Variants in LMO7 observed in about 807,000 individuals in gnomAD.
The protein encoded by LMO7 is LIM domain only protein 7.
In LMO7, 120 loss-of-function variants were observed where a neutral mutation model predicts 206.5. The observed-to-expected ratio is 0.58, with a 90% CI of 0.50 to 0.68. The LOEUF (loss-of-function observed/expected upper bound fraction) is 0.68. LMO7 is among the 30% of genes least tolerant of loss of function. The pLI is 0.00. For missense variants in LMO7, 1,959 were observed against 1,957.9 expected (o/e 1.00, Z -0.01); for synonymous variants, 706 against 681.5 (o/e 1.04, Z -0.56).
intron 2 of LMO7, among the ~76,000 whole-genome samples, chr13:75,715,439 G>A (rs2043457324): frequency 6.6e-6 from 1 of 152,110 alleles, no homozygotes; most frequent in Non-Finnish European, 1.5e-5. Context: ...TTCTAATATT[G>A]TTTTCTAATT....
chr13:75,694,126 A>C (rs548238407), intron 1 of LMO7, among the ~76,000 whole-genome samples: 1 of 152,364 alleles, frequency 6.6e-6, no homozygotes, highest in African/African-American at 2.4e-5. Flanking sequence ...ATAAAGTTTC[A>C]ATCTAGGACG....
intron 2 of LMO7, chr13:75,627,876 A>G (rs563614292): frequency 6.6e-6 from 1 of 152,156 alleles, no homozygotes; most frequent in South Asian, 2.1e-4. Context: ...AATTCTAGCT[A>G]GAATGGGGGA....
At chr13:75,838,249 C>T in intron 20 of LMO7, 53 bp downstream of exon 20, 1 of 1,529,090 alleles carries the variant, frequency 6.5e-7, no homozygotes, top group Admixed American at 1.7e-5. Context: ...TTCTCCCTCT[C>T]CACTCTTCCT....
chr13:75,629,355 A>G (rs375027127), intron 2 of LMO7, among the ~76,000 whole-genome samples: 3 of 152,272 alleles, frequency 2.0e-5, no homozygotes, highest in South Asian at 4.1e-4. Context: ...GCACTCTTAA[A>G]TTGCTTATGG....
At chr13:75,805,294 A>G (rs2055295831) in intron 8 of LMO7, 185 bp from the exon 9 acceptor site, 4 of 939,232 alleles carry the variant, frequency 4.3e-6, no homozygotes, top group Non-Finnish European at 6.1e-6. Flanking sequence ...GTATCTAGCT[A>G]TCCTTGAGTT....
At position 75,853,293 on chromosome 13, in the gene LMO7, G is replaced by A; in HGVS notation, c.4566G>A (p.Val1522=). 1 of 1,614,054 alleles carries A rather than the reference G, an allele frequency of 6.2e-7. No homozygotes were observed. The highest frequency in any genetic ancestry group is 8.5e-7 in the Non-Finnish European group (1 of 1,180,004). Residue 1522 remains valine, a synonymous_variant, in exon 28 of 31, where the codon GTG becomes GTA. Transcript: ENST00000377534. ...SSVPPPSAGS[V]KTSTTGVATT... is the part of the protein sequence containing the mutation. Reference sequence around the variant, plus strand: ...TGCCCCCACCTTCAGCTGGCTCCGTGAAGACCTCCACCACAGGTGTGGCCA... The same window carrying A: ...TGCCCCCACCTTCAGCTGGCTCCGTAAAGACCTCCACCACAGGTGTGGCCA...
At chr13:75,784,691 C>T (rs74327804) in intron 4 of LMO7, among the ~76,000 whole-genome samples, 5,736 of 152,150 alleles carry the variant, frequency 0.038, 132 homozygotes, top group Non-Finnish European at 0.052. Context: ...AGAAAGGAAA[C>T]AAGTATTTAT....
At chr13:75,853,831 G>A (rs1002532822) in intron 28 of LMO7, among the ~76,000 whole-genome samples, 16 of 152,214 alleles carry the variant, frequency 1.1e-4, no homozygotes, top group African/African-American at 2.4e-4. Context: ...AAAGAAGAGC[G>A]TTACAATGCT....
intron 3 of LMO7, among the ~76,000 whole-genome samples, chr13:75,737,621 C>A (rs1377818666): frequency 4.1e-5 from 6 of 145,756 alleles, no homozygotes; most frequent in South Asian, 2.2e-4. Context: ...GGCGTGGTAG[C>A]GGGCGCCTGT....
intron 1 of LMO7, 64 bp downstream of exon 1, chr13:75,636,790 G>T: frequency 6.8e-7 from 1 of 1,472,890 alleles, no homozygotes; most frequent in Non-Finnish European, 9.3e-7. Context: ...TCGTCGCGAG[G>T]TGACTGCAGC....
Position 75,761,046 on chromosome 13 carries a change from T to C in LMO7, c.317+8T>C, listed in dbSNP as rs780706185. On this transcript the variant is annotated splice_region_variant and intron_variant, in intron 4 of 30. Coordinates refer to ENST00000377534, the MANE Select transcript of LMO7 (RefSeq NM_001306080.2). ...AAATCGAGTCACTGTCAAGTAAGTT[T>C]CAACAGTTTGTTAGATATATATATA... 22 of 1,554,458 alleles carry C rather than the reference T, an allele frequency of 1.4e-5. No homozygotes were observed. Among genetic ancestry groups the C allele is most frequent in the Non-Finnish European group, 1.8e-5 (21 of 1,140,388 alleles).
At chr13:75,636,220 G>A, upstream of LMO7, 3 of 892,972 alleles carry the variant, frequency 3.4e-6, no homozygotes, top group Non-Finnish European at 4.1e-6. Context: ...GGGAGCCAAG[G>A]GAGGGGCAGA....
intron 4 of LMO7, among the ~76,000 whole-genome samples, chr13:75,781,747 G>A (rs1004936509): frequency 3.0e-4 from 45 of 152,210 alleles, no homozygotes; most frequent in Non-Finnish European, 5.4e-4. Flanking sequence ...CCCATCAACA[G>A]TGTAAAAGTG....
At chr13:75,818,927 G>C (rs140676715) in intron 12 of LMO7, among the ~76,000 whole-genome samples, 2,849 of 152,308 alleles carry the variant, frequency 0.019, 57 homozygotes, top group South Asian at 0.037. Flanking sequence ...ACTTGGGCCT[G>C]CCTCAAAGTA....
At chr13:75,780,341 G>A (rs748267370) in intron 4 of LMO7, among the ~76,000 whole-genome samples, 1 of 152,236 alleles carries the variant, frequency 6.6e-6, no homozygotes, top group Non-Finnish European at 1.5e-5. Flanking sequence ...CTATTTTAGA[G>A]GCCTCCCCCT....
At chr13:75,844,592 A>G (rs2059836830) in intron 25 of LMO7, among the ~76,000 whole-genome samples, 1 of 151,764 alleles carries the variant, frequency 6.6e-6, no homozygotes, top group African/African-American at 2.4e-5. Flanking sequence ...GTATTTTTGT[A>G]GAGACGGGGT....
chr13:75,678,301 CTGT>C (rs2040198000), intron 1 of LMO7, among the ~76,000 whole-genome samples: 1 of 152,192 alleles, frequency 6.6e-6, no homozygotes, highest in African/African-American at 2.4e-5. Context: ...TCTCCAGCAC[CTGT>C]TGTTTCCTGA....
intron 1 of LMO7, among the ~76,000 whole-genome samples, chr13:75,638,741 T>C (rs1156621467): frequency 6.6e-6 from 1 of 152,170 alleles, no homozygotes; most frequent in Non-Finnish European, 1.5e-5. Flanking sequence ...ATCTCTCTTG[T>C]CAGCTTTGCC....
At position 75,821,327 on chromosome 13, in the gene LMO7, T is replaced by C. The variant is rs1031055332; in HGVS notation, c.2358T>C (p.Tyr786=). Residue 786 remains tyrosine (Y), a synonymous_variant, in exon 14 of 31, where the codon TAT becomes TAC. Coordinates refer to ENST00000377534, the MANE Select transcript of LMO7 (RefSeq NM_001306080.2). Reference sequence around the variant, plus strand: ...GAGTAGAAGAGAAGGGAGCAACTTATCCTTCAGAAATTCCCAAAGAAGATT... The same window carrying C: ...GAGTAGAAGAGAAGGGAGCAACTTACCCTTCAGAAATTCCCAAAGAAGATT... The part of the protein sequence containing the change: ...SERVEEKGAT[Y]PSEIPKEDST... 5 of 1,614,004 alleles carry C rather than the reference T, an allele frequency of 3.1e-6. No homozygotes were observed. In the African/African-American group the frequency reaches 5.3e-5, roughly 17 times the overall value.
Sources: gnomAD v4.1 joint callset for allele counts (sites outside exome capture counted in the v4.1 genomes callset) on GRCh38, gnomAD v4.1.1 for gene constraint, MANE v1.5 for transcripts, NCBI Gene and HGNC (gene_info 2026-07-23, HGNC 2026-07-21) for gene names.